CEP128: variants seen among roughly 807,000 people sequenced by gnomAD.
CEP128 encodes centrosomal protein 128kDa.
Under a neutral mutation model 156.7 loss-of-function variants are expected in CEP128, and 132 were observed. The observed-to-expected ratio is 0.84, with a 90% CI of 0.73 to 0.97. The LOEUF (loss-of-function observed/expected upper bound fraction) is 0.97, where lower values mean the gene tolerates loss of function less well. Among genes scored for constraint, CEP128 ranks in the 50% least tolerant of loss-of-function variants. CEP128 has a pLI of 0.00. For missense variants in CEP128, 1,252 were observed against 1,281.9 expected (o/e 0.98, Z 0.36); for synonymous variants, 469 against 448.9 (o/e 1.04, Z -0.57).
At chr14:80,932,593 G>A (rs1201642303) in intron 2 of CEP128, among the ~76,000 whole-genome samples, 6 of 152,116 alleles carry the variant, frequency 3.9e-5, no homozygotes, top group South Asian at 2.1e-4. Flanking sequence ...TAGAATGGAC[G>A]TAAGCAACAC....
chr14:80,751,279 T>A (rs1166910189), intron 18 of CEP128, among the ~76,000 whole-genome samples: 2 of 152,218 alleles, frequency 1.3e-5, no homozygotes. Flanking sequence ...TAGTTAGATT[T>A]TTTTTATGAA....
At chr14:80,934,420 C>A (rs1885665648) in intron 2 of CEP128, among the ~76,000 whole-genome samples, 3 of 152,162 alleles carry the variant, frequency 2.0e-5, no homozygotes, top group African/African-American at 7.2e-5. Flanking sequence ...GAGCACATAG[C>A]TGGAAATCAG....
At chr14:80,897,993 T>A (rs914007999) in intron 7 of CEP128, among the ~76,000 whole-genome samples, 8 of 152,208 alleles carry the variant, frequency 5.3e-5, no homozygotes, top group African/African-American at 1.9e-4. Context: ...TTGCCCTGAC[T>A]GGTCTCAAAC....
chr14:80,805,870 T>G (rs1413415210), intron 13 of CEP128, among the ~76,000 whole-genome samples: 1 of 152,192 alleles, frequency 6.6e-6, no homozygotes, highest in Non-Finnish European at 1.5e-5. Context: ...CCATTTCAAA[T>G]GGTGTTTTTT....
intron 19 of CEP128, among the ~76,000 whole-genome samples, chr14:80,708,421 G>T (rs1206580536): frequency 6.6e-6 from 1 of 151,988 alleles, no homozygotes; most frequent in Non-Finnish European, 1.5e-5. Flanking sequence ...ATATATTAGG[G>T]ATATGGGAAT....
chr14:80,955,350 G>GT (rs1401796905), intron 2 of CEP128: 1 of 475,574 alleles, frequency 2.1e-6, no homozygotes, highest in South Asian at 2.1e-5. Flanking sequence ...GGCGCCCGGG[G>GT]TGGGGGGGCG....
chr14:80,649,778 T>A (rs377307794), intron 19 of CEP128, among the ~76,000 whole-genome samples: 28 of 152,292 alleles, frequency 1.8e-4, no homozygotes, highest in African/African-American at 6.7e-4. Flanking sequence ...GATCTATATA[T>A]CTGTTTTGGT....
chr14:80,700,004 A>C (rs959482583), intron 19 of CEP128, among the ~76,000 whole-genome samples: 4 of 152,156 alleles, frequency 2.6e-5, no homozygotes, highest in African/African-American at 9.7e-5. Context: ...TGCTTCTAAG[A>C]ACACGGAGGG....
At chr14:80,955,442 G>A (rs1886609860) in intron 2 of CEP128, 1 of 587,736 alleles carries the variant, frequency 1.7e-6, no homozygotes, top group South Asian at 2.0e-5. Flanking sequence ...TCCAGCCAAG[G>A]AAAGTGAAGC....
At chr14:80,757,413 A>G (rs543985856) in intron 17 of CEP128, among the ~76,000 whole-genome samples, 2 of 152,318 alleles carry the variant, frequency 1.3e-5, no homozygotes, top group African/African-American at 4.8e-5. Context: ...TTGTCTTATC[A>G]ATGATTGTCA....
At chr14:80,738,419 A>T (rs1249785880) in intron 19 of CEP128, among the ~76,000 whole-genome samples, 1 of 152,218 alleles carries the variant, frequency 6.6e-6, no homozygotes, top group African/African-American at 2.4e-5. Flanking sequence ...ATGAAACCAA[A>T]GGAATAAACC....
intron 21 of CEP128, among the ~76,000 whole-genome samples, chr14:80,543,538 T>C (rs1312791794): frequency 6.6e-6 from 1 of 152,212 alleles, no homozygotes; most frequent in African/African-American, 2.4e-5. Flanking sequence ...CACAAGTATA[T>C]ATTTTTGAAG....
At chr14:80,515,644 GA>G (rs1400825136) in intron 23 of CEP128, among the ~76,000 whole-genome samples, 2 of 152,284 alleles carry the variant, frequency 1.3e-5, no homozygotes, top group Admixed American at 1.3e-4. Context: ...GACTGGTCCA[GA>G]AATGTTGTCC....
At chr14:80,855,304 CTAAGAA>C (rs975812769) in intron 9 of CEP128, among the ~76,000 whole-genome samples, 2 of 152,008 alleles carry the variant, frequency 1.3e-5, no homozygotes, top group Non-Finnish European at 2.9e-5. Flanking sequence ...GGCTTATGTC[CTAAGAA>C]TAAGAAAAAT....
At chr14:80,824,229 T>C (rs1885348473) in intron 13 of CEP128, among the ~76,000 whole-genome samples, 1 of 152,116 alleles carries the variant, frequency 6.6e-6, no homozygotes, top group African/African-American at 2.4e-5. Context: ...ATGAAACCAC[T>C]TTTTCCTCCT....
intron 19 of CEP128, among the ~76,000 whole-genome samples, chr14:80,638,105 G>A (rs1017264112): frequency 2.6e-5 from 4 of 152,144 alleles, no homozygotes; most frequent in East Asian, 1.9e-4. Flanking sequence ...GGAACTAAAC[G>A]AATACACTCT....
rs545967020 is a variant in CEP128 at position 80,761,363 on chromosome 14, C to T, written c.2553+74G>A. On this transcript the variant is annotated intron_variant, in intron 17 of 24. Coordinates refer to ENST00000555265, the MANE Select transcript of CEP128 (RefSeq NM_152446.5). ...CCATAATAATAATCTGACTACCACA[C>T]ATGAAAATCCTATTACAATTATATA... The T allele has an allele frequency of 5.3e-6, 6 of 1,137,314 alleles. No homozygotes were observed. In the African/African-American group the frequency reaches 7.8e-5, roughly 15 times the overall value. 70.5% of individuals were successfully genotyped at this position (1,137,314 alleles called of 1,614,324 possible).
At chr14:80,744,795 C>T (rs1431852498) in intron 18 of CEP128, among the ~76,000 whole-genome samples, 1 of 152,168 alleles carries the variant, frequency 6.6e-6, no homozygotes, top group Non-Finnish European at 1.5e-5. Flanking sequence ...TGGCCAAGTG[C>T]AGCAGGATGT....
chr14:80,867,240 G>C (rs909322279), intron 8 of CEP128, among the ~76,000 whole-genome samples: 13 of 152,154 alleles, frequency 8.5e-5, no homozygotes, highest in African/African-American at 3.1e-4. Flanking sequence ...CAACTAATGG[G>C]TGAGTTGTGT....
Sources: allele counts gnomAD v4.1 joint callset (sites outside exome capture counted in the v4.1 genomes callset), GRCh38; gene constraint gnomAD v4.1.1; transcripts MANE v1.5; gene names NCBI Gene and HGNC (gene_info 2026-07-23, HGNC 2026-07-21).